Variants in TMOD3 observed in about 807,000 individuals in gnomAD.
TMOD3 encodes the protein tropomodulin 3, also known as tropomodulin-3.
A neutral mutation model predicts 39.2 loss-of-function variants in TMOD3; 20 were observed. The ratio of observed to expected loss-of-function variants is 0.51; its 90% CI spans 0.36 to 0.74. The LOEUF is 0.74. Ranked by LOEUF, TMOD3 falls within the 30% of genes least tolerant of loss-of-function variation. The probability of loss-of-function intolerance (pLI) is 0.00; values close to 1 mark genes in which losing one functional copy is unlikely to be tolerated. For missense variants in TMOD3, 381 were observed against 412.8 expected (o/e 0.92, Z 0.67); for synonymous variants, 143 against 145.8 (o/e 0.98, Z 0.14).
chr15:51,830,363 C>G (rs2056248452), intron 1 of TMOD3, among the ~76,000 whole-genome samples: 1 of 152,202 alleles, frequency 6.6e-6, no homozygotes, highest in South Asian at 2.1e-4. Context: ...TTCCTAGCTC[C>G]CAGGCAGCAC....
At chr15:51,845,181 GA>G (rs1485530335) in intron 1 of TMOD3, among the ~76,000 whole-genome samples, 1 of 152,172 alleles carries the variant, frequency 6.6e-6, no homozygotes, top group Non-Finnish European at 1.5e-5. Context: ...GCTCAGGGAT[GA>G]AATGACTAGG....
rs575038503 is a variant in TMOD3, at chr15:51,829,688, G to C, written c.-223G>C. 1 of 152,494 alleles carries C rather than the reference G, an allele frequency of 6.6e-6. No individual in the cohort carries two copies. The highest frequency in any genetic ancestry group is 1.9e-4 in the East Asian group (1 of 5,178). The allele number at this position is 152,494 out of a possible 1,614,324, so 9.4% of individuals were successfully genotyped here. ...CCCACCGCACCTACAGGGCGGTCGA[G>C]TGAGGGAGCTGCTGGCGGGTGGGTC... is the stretch of plus-strand genomic sequence containing the variant. On this transcript the variant is annotated 5_prime_UTR_variant, in exon 1 of 10. Coordinates refer to ENST00000308580, the MANE Select transcript of TMOD3 (RefSeq NM_014547.5).
intron 1 of TMOD3, among the ~76,000 whole-genome samples, chr15:51,857,464 G>A (rs1426237101): frequency 2.0e-5 from 3 of 152,160 alleles, no homozygotes; most frequent in Non-Finnish European, 2.9e-5. Flanking sequence ...TCTCTCTGTG[G>A]AATGTAGAAT....
chr15:51,862,371 T>C lies in TMOD3; in HGVS notation c.-74-440T>C, dbSNP rs572502540. Among the ~76,000 whole-genome samples, 11 of 152,322 alleles carry C rather than the reference T, an allele frequency of 7.2e-5. No individual in the cohort carries two copies. The South Asian group carries it at 2.3e-3, about 32-fold the overall frequency. Reference sequence around the variant, plus strand: ...GACCACTCCTGTCATGTGGAATGTATTGCTATCCCCCCATATTAATACTGA... The same window carrying C: ...GACCACTCCTGTCATGTGGAATGTACTGCTATCCCCCCATATTAATACTGA... On this transcript the variant is annotated intron_variant, in intron 1 of 9. Transcript: ENST00000308580.
chr15:51,892,207 G>T (rs1280088899), intron 5 of TMOD3: 1 of 152,146 alleles, frequency 6.6e-6, no homozygotes, highest in Non-Finnish European at 1.5e-5. Flanking sequence ...CCAGATAGTA[G>T]TCCATTTTGA....
In TMOD3 at chr15:51,853,792, A is replaced by AT. The variant is rs1342128857; in HGVS notation, c.-74-9019_-74-9018insT. On this transcript the variant is annotated intron_variant, in intron 1 of 9. Coordinates refer to ENST00000308580, the MANE Select transcript of TMOD3 (RefSeq NM_014547.5). ...TGACAGAGCGAGTCACTGTCTCTTA[A>AT]AAAAAAAAAAAAAAAAAAGATAATG... Among the ~76,000 whole-genome samples, 551 of 123,682 alleles carry AT rather than the reference A, an allele frequency of 4.5e-3. 4 individuals are homozygous for AT. Among genetic ancestry groups the AT allele is most frequent in the African/African-American group, 0.016 (536 of 33,760 alleles). The allele number at this position is 123,682 out of a possible 152,430, so 81.1% of individuals were successfully genotyped here. A position where few individuals can be genotyped will look rare whatever the true frequency, so the allele number is the denominator to read the frequency against.
At chr15:51,860,960 G>A in intron 1 of TMOD3, 1 of 505,856 alleles carries the variant, frequency 2.0e-6, no homozygotes, top group South Asian at 1.5e-5. Flanking sequence ...AACCTACATA[G>A]GAGAGCCAAA....
At chr15:51,837,749 T>G (rs1277702583) in intron 1 of TMOD3, among the ~76,000 whole-genome samples, 1 of 152,164 alleles carries the variant, frequency 6.6e-6, no homozygotes, top group Non-Finnish European at 1.5e-5. Flanking sequence ...CCATTATTAT[T>G]CCTTGTCAAG....
In TMOD3 at chr15:51,914,434, T is replaced by G. The variant is rs2056724989; in HGVS notation, c.*5624T>G. The G allele has an allele frequency of 6.6e-6, 1 of 152,102 alleles. No individual in the cohort carries two copies. Among genetic ancestry groups the G allele is most frequent in the African/African-American group, 2.4e-5 (1 of 41,384 alleles). 9.4% of individuals were successfully genotyped at this position (152,102 alleles called of 1,614,324 possible). The stretch of plus-strand genomic sequence containing the variant: ...AATCCCAGCACTGTGGAGGCTGAGG[T>G]GGGCGGATCACTTGAGGTCAGGAGT... On this transcript the variant is annotated 3_prime_UTR_variant, in exon 10 of 10. Transcript: ENST00000308580.
At chr15:51,845,364 A>G (rs924202870) in intron 1 of TMOD3, among the ~76,000 whole-genome samples, 1 of 152,190 alleles carries the variant, frequency 6.6e-6, no homozygotes, top group Non-Finnish European at 1.5e-5. Context: ...AGCCCAGGAA[A>G]CTAAGAAGAG....
Position 51,902,943 on chromosome 15 carries a change from G to A in TMOD3, c.1024+907G>A, listed in dbSNP as rs188846082. Reference sequence around the variant, plus strand: ...TGGGATTACAAGCGTGAGCCACCGCGCCCGGCCAATTTTTGTATTTTTAGT... The same window carrying A: ...TGGGATTACAAGCGTGAGCCACCGCACCCGGCCAATTTTTGTATTTTTAGT... On this transcript the variant is annotated intron_variant, in intron 9 of 9. Transcript: ENST00000308580. 6.2e-3 allele frequency among the ~76,000 whole-genome samples: 880 copies of A among 142,840 alleles called. 7 individuals are homozygous for A. The highest frequency in any genetic ancestry group is 0.022 in the African/African-American group (830 of 38,292). 93.7% of individuals were successfully genotyped at this position (142,840 alleles called of 152,430 possible).
At chr15:51,907,112 G>A (rs2056685818) in intron 9 of TMOD3, 1 of 151,568 alleles carries the variant, frequency 6.6e-6, no homozygotes, top group Non-Finnish European at 1.5e-5. Context: ...ATATTTGAGG[G>A]CTCAAGTCTC....
intron 3 of TMOD3, among the ~76,000 whole-genome samples, chr15:51,881,444 A>T (rs948488862): frequency 1.3e-5 from 2 of 149,206 alleles, no homozygotes; most frequent in Admixed American, 6.7e-5. Flanking sequence ...TTTAATTTTG[A>T]TGTAGTACAA....
Position 51,869,347 on chromosome 15 carries a change from A to G in TMOD3, c.257A>G (p.Tyr86Cys), listed in dbSNP as rs753059006. The G allele has an allele frequency of 1.9e-5, 30 of 1,613,922 alleles. No homozygotes were observed. The highest frequency in any genetic ancestry group is 4.0e-5 in the African/African-American group (3 of 74,906). Residue 86 changes from tyrosine to cysteine, a missense_variant, in exon 3 of 10, where the codon TAT becomes TGT. By Grantham distance (194) the Tyr-to-Cys change is radical. Coordinates refer to ENST00000308580, the MANE Select transcript of TMOD3 (RefSeq NM_014547.5). ...TTGGAGCATAAAGACAGGGAAGACT[A>G]TGTGCCCTACACTGGAGAAAAAAAA... ...EALEHKDRED[Y>C]VPYTGEKKGK...
intron 3 of TMOD3, 124 bp from the exon 4 acceptor site, chr15:51,887,460 TAAAAC>T: frequency 2.9e-6 from 3 of 1,031,602 alleles, no homozygotes; most frequent in Non-Finnish European, 4.1e-6. Context: ...ATGTCAGAGA[TAAAAC>T]AAAATTACTG....
At chr15:51,872,120 G>A (rs558018846) in intron 3 of TMOD3, among the ~76,000 whole-genome samples, 4 of 152,262 alleles carry the variant, frequency 2.6e-5, no homozygotes, top group African/African-American at 7.2e-5. Flanking sequence ...GCAGCCGGAC[G>A]CGGTAGCTCA....
rs1240787475 is a variant in TMOD3, at chr15:51,908,925, T to C, written c.*115T>C. The C allele has an allele frequency of 1.7e-5, 11 of 657,910 alleles. No homozygotes were observed. Among genetic ancestry groups the C allele is most frequent in the Non-Finnish European group, 2.7e-5 (11 of 405,382 alleles). 40.8% of individuals were successfully genotyped at this position (657,910 alleles called of 1,614,324 possible). ...GAAAAGACTGGAAAAATTTTTTTAG[T>C]GACATGCATTTTTTTTTTAGTTGTT... On this transcript the variant is annotated 3_prime_UTR_variant, in exon 10 of 10. Transcript: ENST00000308580.
intron 9 of TMOD3, chr15:51,907,394 T>C (rs576452045): frequency 6.6e-6 from 1 of 152,226 alleles, no homozygotes; most frequent in Admixed American, 6.5e-5. Flanking sequence ...GGGAACCTGA[T>C]ACTTTAGTCC....
intron 1 of TMOD3, among the ~76,000 whole-genome samples, chr15:51,834,305 T>C (rs2056270505): frequency 6.6e-6 from 1 of 152,210 alleles, no homozygotes; most frequent in African/African-American, 2.4e-5. Context: ...GTTTTATCAA[T>C]TTTTTGTATT....
Sources: gnomAD v4.1 joint callset for allele counts (sites outside exome capture counted in the v4.1 genomes callset) on GRCh38, gnomAD v4.1.1 for gene constraint, MANE v1.5 for transcripts, NCBI Gene and HGNC (gene_info 2026-07-23, HGNC 2026-07-21) for gene names.